Variants in ITGA11 observed in about 807,000 individuals in gnomAD.
The protein encoded by ITGA11 is integrin subunit alpha 11, also known as integrin alpha-11.
In ITGA11, 97 loss-of-function variants were observed where a neutral mutation model predicts 141.9. The observed-to-expected ratio is 0.68, with a 90% CI of 0.58 to 0.81. The LOEUF (loss-of-function observed/expected upper bound fraction) is 0.81, where lower values mean the gene tolerates loss of function less well. Among genes scored for constraint, ITGA11 ranks in the 30% least tolerant of loss-of-function variants. ITGA11 has a pLI of 0.00. For synonymous variants in ITGA11, 658 were observed against 624.6 expected (o/e 1.05, Z -0.80); for missense variants, 1,387 against 1,559.2 (o/e 0.89, Z 1.86).
intron 1 of ITGA11, among the ~76,000 whole-genome samples, chr15:68,427,778 C>A (rs551368770): frequency 6.6e-6 from 1 of 152,084 alleles, no homozygotes; most frequent in African/African-American, 2.4e-5. Context: ...TGTGGAGGGT[C>A]GCCCTTGGAC....
Position 68,339,522 on chromosome 15 carries a change from G to C in ITGA11, c.1254C>G (p.Leu418=). ...ESYLKEFPEE[L]KNHGAYLGYT... ...TACCCAGGTATGCACCATGGTTCTT[G>C]AGCTCCTCGGGGAACTCTTTCAGGT... The change falls in exon 11 of 30, where the codon CTC becomes CTG. Residue 418 remains leucine, a synonymous_variant. Transcript: ENST00000315757. The C allele has an allele frequency of 6.2e-7, 1 of 1,613,670 alleles. No individual in the cohort carries two copies. Among genetic ancestry groups the C allele is most frequent in the Non-Finnish European group, 8.5e-7 (1 of 1,179,766 alleles).
intron 21 of ITGA11, among the ~76,000 whole-genome samples, chr15:68,316,961 A>G (rs1328579249): frequency 6.6e-6 from 1 of 152,184 alleles, no homozygotes; most frequent in African/African-American, 2.4e-5. Flanking sequence ...AGAGGCCAGA[A>G]ATTTGAAAAA....
At chr15:68,398,789 AAAATG>A (rs1477923696) in intron 2 of ITGA11, among the ~76,000 whole-genome samples, 2 of 145,258 alleles carry the variant, frequency 1.4e-5, no homozygotes, top group African/African-American at 2.5e-5. Flanking sequence ...TGAATAGTAT[AAAATG>A]AAATAAGAAT....
intron 21 of ITGA11, among the ~76,000 whole-genome samples, chr15:68,316,759 G>T (rs1158734320): frequency 2.0e-5 from 3 of 152,140 alleles, no homozygotes; most frequent in Non-Finnish European, 4.4e-5. Flanking sequence ...ACCTTCTATG[G>T]CTGCCTGCTG....
At chr15:68,390,376 G>A (rs1200693813) in intron 2 of ITGA11, among the ~76,000 whole-genome samples, 1 of 152,114 alleles carries the variant, frequency 6.6e-6, no homozygotes, top group Non-Finnish European at 1.5e-5. Context: ...AGTCAGCGGT[G>A]GATTCTTCCC....
At chr15:68,364,039 A>G (rs956658160) in intron 4 of ITGA11, among the ~76,000 whole-genome samples, 2 of 152,242 alleles carry the variant, frequency 1.3e-5, no homozygotes, top group African/African-American at 4.8e-5. Context: ...CTTAGCACAT[A>G]CTATGGTAAG....
Position 68,348,747 on chromosome 15 carries a change from A to T in ITGA11, c.1131+83T>A. ...GCCAACCCATCTGTGAAGGTGGATG[A>T]CAGATCCAGAGAGCTAGAAAGGGGA... is the stretch of plus-strand genomic sequence containing the variant. On this transcript the variant is annotated intron_variant, in intron 10 of 29. Transcript: ENST00000315757. 4.1e-6 allele frequency: 5 copies of T among 1,226,734 alleles called. No individual in the cohort carries two copies. The East Asian group carries it at 1.3e-4, about 31-fold the overall frequency. 76.0% of individuals were successfully genotyped at this position (1,226,734 alleles called of 1,614,324 possible). A position where few individuals can be genotyped will look rare whatever the true frequency, so the allele number is the denominator to read the frequency against.
chr15:68,409,886 C>G (rs1896734881), intron 1 of ITGA11, among the ~76,000 whole-genome samples: 1 of 152,208 alleles, frequency 6.6e-6, no homozygotes, highest in Non-Finnish European at 1.5e-5. Context: ...GGGTCCCGTG[C>G]CATCCAGCCC....
Position 68,303,901 on chromosome 15 carries a change from G to T in ITGA11, c.3382-16C>A. Reference sequence around the variant, plus strand: ...CAAACACGATCTGCAAGGGGAGGGGGGCCGGGCCAACAGCATTACTCTTCT... The same window carrying T: ...CAAACACGATCTGCAAGGGGAGGGGTGCCGGGCCAACAGCATTACTCTTCT... On this transcript the variant is annotated splice_polypyrimidine_tract_variant and intron_variant, in intron 28 of 29. Coordinates refer to ENST00000315757, the MANE Select transcript of ITGA11 (RefSeq NM_001004439.2). The surrounding 1 kb of genome is among the most constrained non-coding windows in gnomAD (Gnocchi z 5.3). 6.4e-7 allele frequency: 1 copy of T among 1,564,904 alleles called. No individual in the cohort carries two copies. The highest frequency in any genetic ancestry group is 8.8e-7 in the Non-Finnish European group (1 of 1,136,322).
rs1030710351 is a variant in ITGA11, at chr15:68,305,117, C to T, written c.3382-1232G>A. On this transcript the variant is annotated intron_variant, in intron 28 of 29. Transcript: ENST00000315757. This position sits in a 1 kb window ranked among gnomAD's most constrained non-coding sequence, Gnocchi z 4.6. ...GTCCCACCTGTCTTGCTGACCTCAC[C>T]TCCTGCTCCCTCTTGCTTTACTCCA... Among the ~76,000 whole-genome samples, 2 of 152,366 alleles carry T rather than the reference C, an allele frequency of 1.3e-5. No homozygotes were observed. Among genetic ancestry groups the T allele is most frequent in the South Asian group, 2.1e-4 (1 of 4,830 alleles).
chr15:68,390,204 G>A (rs1486860358), intron 2 of ITGA11, among the ~76,000 whole-genome samples: 1 of 152,198 alleles, frequency 6.6e-6, no homozygotes, highest in Non-Finnish European at 1.5e-5. Flanking sequence ...TTTGAGCTCT[G>A]AGTTGTGAGT....
chr15:68,330,947 G>C, intron 15 of ITGA11, 34 bp downstream of exon 15: 1 of 1,612,214 alleles, frequency 6.2e-7, no homozygotes, highest in Non-Finnish European at 8.5e-7. Context: ...ACTTTCAGGA[G>C]AGCCCAGGAG....
At chr15:68,320,440 C>G (rs1297077300) in intron 19 of ITGA11, 48 bp from the exon 20 acceptor site, 1 of 1,514,160 alleles carries the variant, frequency 6.6e-7, no homozygotes, top group Non-Finnish European at 9.0e-7. Flanking sequence ...ATGAGGAAAG[C>G]AGGGGTAGAG....
intron 2 of ITGA11, among the ~76,000 whole-genome samples, chr15:68,400,033 A>C (rs577975700): frequency 1.2e-3 from 180 of 152,312 alleles, no homozygotes; most frequent in Non-Finnish European, 2.2e-3. Flanking sequence ...TTAAAGCTGC[A>C]GTAACCAAAG....
At position 68,303,864 on chromosome 15, in the gene ITGA11, G is replaced by C. The variant is rs1420734350; in HGVS notation, c.3403C>G (p.Gln1135Glu). ...SRQIVFEISK[Q>E]EDWQVPIWII... ...CAGATGGGGACCTGCCAGTCCTCTT[G>C]CTTGGAGATCTCAAACACGATCTGC... The change falls in exon 29 of 30, where the codon CAA (glutamine) becomes GAA (glutamate). Residue 1135 changes from glutamine to glutamate, a missense_variant. Transcript: ENST00000315757. This position sits in a 1 kb window ranked among gnomAD's most constrained non-coding sequence, Gnocchi z 5.3. The C allele has an allele frequency of 2.5e-6, 4 of 1,612,514 alleles. No individual in the cohort carries two copies. The highest frequency in any genetic ancestry group is 3.4e-6 in the Non-Finnish European group (4 of 1,178,972).
At chr15:68,362,025 A>G in intron 4 of ITGA11, 2 of 258,166 alleles carry the variant, frequency 7.7e-6, no homozygotes, top group East Asian at 2.2e-4. Flanking sequence ...CCCACCCACC[A>G]TACGGGATCT....
chr15:68,358,353 A>G, intron 6 of ITGA11, 105 bp downstream of exon 6: 1 of 1,310,988 alleles, frequency 7.6e-7, no homozygotes, highest in Admixed American at 2.7e-5. Context: ...CCTCTTACCT[A>G]CACCTCCTTC....
At chr15:68,377,690 C>T (rs1163119993) in intron 2 of ITGA11, among the ~76,000 whole-genome samples, 9 of 152,242 alleles carry the variant, frequency 5.9e-5, no homozygotes, top group South Asian at 2.1e-4. Context: ...AAACTGGAAT[C>T]ACTCTACATA....
rs910662957 is a variant in ITGA11, at chr15:68,321,631, A to G, written c.2323-128T>C. On this transcript the variant is annotated intron_variant, in intron 18 of 29. Coordinates refer to ENST00000315757, the MANE Select transcript of ITGA11 (RefSeq NM_001004439.2). This position sits in a 1 kb window ranked among gnomAD's most constrained non-coding sequence, Gnocchi z 4.9. ...CTTTCCTGCACTGTCCCCAGACACC[A>G]CACTGCTCTGTCTTGTGCTTTTCCA... is the stretch of plus-strand genomic sequence containing the variant. 3 of 506,616 alleles carry G rather than the reference A, an allele frequency of 5.9e-6. No individual in the cohort carries two copies. The highest frequency in any genetic ancestry group is 4.0e-5 in the Admixed American group (1 of 25,144). 31.4% of individuals were successfully genotyped at this position (506,616 alleles called of 1,614,324 possible).
Sources: allele counts gnomAD v4.1 joint callset (sites outside exome capture counted in the v4.1 genomes callset), GRCh38; gene constraint gnomAD v4.1.1; non-coding constraint Gnocchi (gnomAD v3.1); transcripts MANE v1.5; gene names NCBI Gene and HGNC (gene_info 2026-07-23, HGNC 2026-07-21).